The following TMEM161B variants were observed in gnomAD, a reference collection of about 807,000 sequenced individuals.
The protein encoded by TMEM161B is transmembrane protein 161B.
Under a neutral mutation model 61.8 loss-of-function variants are expected in TMEM161B, and 34 were observed. That is an observed-to-expected ratio of 0.55 (90% CI 0.42 to 0.73). The LOEUF is 0.73. Among genes scored for constraint, TMEM161B ranks in the 30% least tolerant of loss-of-function variants. The pLI is 0.00. For synonymous variants in TMEM161B, 167 were observed against 192.8 expected, an observed-to-expected ratio of 0.87 and a Z score of 1.11; for missense variants, 456 against 558.5, an observed-to-expected ratio of 0.82 and a Z score of 1.85.
intron 5 of TMEM161B, among the ~76,000 whole-genome samples, chr5:88,217,024 A>T (rs1416880509): frequency 6.6e-6 from 1 of 152,224 alleles, no homozygotes; most frequent in Non-Finnish European, 1.5e-5. Flanking sequence ...TACTGTAGAC[A>T]TGAGGTACCT....
chr5:88,232,810 A>G (rs370399), intron 2 of TMEM161B, among the ~76,000 whole-genome samples: 118,305 of 152,192 alleles, frequency 0.78, 46,144 homozygotes, highest in South Asian at 0.86. Context: ...TCCTGACCTC[A>G]TGATCTGCCC....
At chr5:88,216,386 G>A (rs1051845874) in intron 5 of TMEM161B, among the ~76,000 whole-genome samples, 3 of 152,162 alleles carry the variant, frequency 2.0e-5, no homozygotes, top group African/African-American at 4.8e-5. Context: ...ACTTGATGTC[G>A]AGGGATAGGT....
downstream of TMEM161B, among the ~76,000 whole-genome samples, chr5:88,185,906 C>A (rs1479291923): frequency 2.6e-5 from 4 of 152,176 alleles, no homozygotes; most frequent in African/African-American, 9.7e-5. Flanking sequence ...GCAACAAATA[C>A]AGCTGAATAA....
chr5:88,205,756 T>C, intron 8 of TMEM161B, 58 bp downstream of exon 8: 1 of 1,574,550 alleles, frequency 6.4e-7, no homozygotes, highest in South Asian at 1.2e-5. Flanking sequence ...TATTATACCT[T>C]CATTAAGATG....
chr5:88,209,813 C>G (rs1397335807), intron 5 of TMEM161B, among the ~76,000 whole-genome samples: 1 of 151,940 alleles, frequency 6.6e-6, no homozygotes, highest in Admixed American at 6.6e-5. Flanking sequence ...TACTTGCCAT[C>G]TCCTGAGTGT....
intron 1 of TMEM161B, among the ~76,000 whole-genome samples, chr5:88,246,642 AC>A (rs1753654497): frequency 6.6e-6 from 1 of 152,016 alleles, no homozygotes; most frequent in Admixed American, 6.6e-5. Flanking sequence ...ACCTGTCTTC[AC>A]CAACCAATTT....
chr5:88,229,493 T>G (rs1014580570), intron 2 of TMEM161B, among the ~76,000 whole-genome samples: 10 of 151,254 alleles, frequency 6.6e-5, no homozygotes, highest in Non-Finnish European at 1.2e-4. Flanking sequence ...TTATTGGTTT[T>G]TTTTTTTTTT....
chr5:88,262,809 T>C (rs1404360035), intron 1 of TMEM161B, among the ~76,000 whole-genome samples: 1 of 152,088 alleles, frequency 6.6e-6, no homozygotes, highest in African/African-American at 2.4e-5. Context: ...ATGTTGATAA[T>C]AGTAGAGGAC....
At chr5:88,235,797 A>T (rs1173144221) in intron 2 of TMEM161B, among the ~76,000 whole-genome samples, 1 of 152,176 alleles carries the variant, frequency 6.6e-6, no homozygotes, top group Non-Finnish European at 1.5e-5. Context: ...AGTGGAGGGG[A>T]GGCTTAAGCA....
At chr5:88,236,422 A>C (rs1162757465) in intron 2 of TMEM161B, among the ~76,000 whole-genome samples, 2 of 152,138 alleles carry the variant, frequency 1.3e-5, no homozygotes, top group Non-Finnish European at 2.9e-5. Flanking sequence ...CCTAACACTT[A>C]CCTCTCCAAG....
chr5:88,188,875 C>T (rs907345623), downstream of TMEM161B, among the ~76,000 whole-genome samples: 17 of 152,166 alleles, frequency 1.1e-4, no homozygotes, highest in East Asian at 1.9e-4. Context: ...TCAGTGGCAC[C>T]GGCTGGTCTT....
chr5:88,195,350 CAAT>C lies in TMEM161B; in HGVS notation c.*858_*860del. 9 of 736,842 alleles carry C rather than the reference CAAT, an allele frequency of 1.2e-5. No individual in the cohort carries two copies. The highest frequency in any genetic ancestry group is 1.5e-5 in the Non-Finnish European group (9 of 605,760). The allele number at this position is 736,842 out of a possible 1,614,324, so 45.6% of individuals were successfully genotyped here. On this transcript the variant is annotated 3_prime_UTR_variant, in exon 12 of 12. Coordinates refer to ENST00000296595, the MANE Select transcript of TMEM161B (RefSeq NM_153354.5). ...TCAATATTTTCATCTTTTATAATCTCAATATATTATATATTTAATATATAATAT... is the reference window on the plus strand; with the variant it reads ...TCAATATTTTCATCTTTTATAATCTCATATTATATATTTAATATATAATAT...
intron 4 of TMEM161B, among the ~76,000 whole-genome samples, chr5:88,224,693 C>A (rs1268010409): frequency 1.3e-5 from 2 of 152,076 alleles, no homozygotes; most frequent in African/African-American, 4.8e-5. Flanking sequence ...TTGAACAATA[C>A]AGTTTGAACT....
At chr5:88,223,928 A>AC (rs1201276653) in intron 4 of TMEM161B, among the ~76,000 whole-genome samples, 11 of 152,182 alleles carry the variant, frequency 7.2e-5, no homozygotes, top group Non-Finnish European at 1.5e-4. Flanking sequence ...ATCATATTAG[A>AC]CAAGTGATTT....
rs777916721 is a variant in TMEM161B, at chr5:88,198,930, G to A, written c.1089+46C>T. On this transcript the variant is annotated intron_variant, in intron 10 of 11. Transcript: ENST00000296595. ...AAACCAATTTTTTTTTTTTTTTACA[G>A]TGCGGTTTTTGCTATTTTTCATTTT... The A allele has an allele frequency of 4.0e-6, 6 of 1,491,176 alleles. No individual in the cohort carries two copies. In the South Asian group the frequency reaches 6.6e-5, roughly 16 times the overall value. 92.4% of individuals were successfully genotyped at this position (1,491,176 alleles called of 1,614,324 possible).
At chr5:88,198,562 A>G (rs1472733970) in intron 10 of TMEM161B, 1 of 153,224 alleles carries the variant, frequency 6.5e-6, no homozygotes, top group Non-Finnish European at 1.5e-5. Context: ...GAAGCCTCAA[A>G]TAAATTAAAT....
intron 4 of TMEM161B, 37 bp from the exon 5 acceptor site, chr5:88,220,756 A>C: frequency 6.9e-7 from 1 of 1,447,252 alleles, no homozygotes; most frequent in Non-Finnish European, 9.2e-7. Flanking sequence ...AAAAAAGGTC[A>C]AAAAAAACAG....
At chr5:88,189,895 TC>T in exon 13 of TMEM161B, 1 of 597,250 alleles carries the variant, frequency 1.7e-6, no homozygotes, top group South Asian at 2.1e-5. Flanking sequence ...GTCTGATTCA[TC>T]CGCTCCACCT....
chr5:88,196,537 A>G, intron 11 of TMEM161B, 49 bp from the exon 12 acceptor site: 2 of 1,500,910 alleles, frequency 1.3e-6, no homozygotes, highest in Non-Finnish European at 1.8e-6. Context: ...CTAATTACCA[A>G]GCTTTTTATT....
Sources: allele counts gnomAD v4.1 joint callset (sites outside exome capture counted in the v4.1 genomes callset), GRCh38; gene constraint gnomAD v4.1.1; transcripts MANE v1.5; gene names NCBI Gene and HGNC (gene_info 2026-07-23, HGNC 2026-07-21).